The following APBB1IP variants were observed in gnomAD, a reference collection of about 807,000 sequenced individuals.
The protein encoded by APBB1IP is amyloid beta precursor protein binding family B member 1 interacting protein, also known as amyloid beta A4 precursor protein-binding family B member 1-interacting protein.
Under a neutral mutation model 64.9 loss-of-function variants are expected in APBB1IP, and 27 were observed. That is an observed-to-expected ratio of 0.42 (90% CI 0.31 to 0.57). The LOEUF (loss-of-function observed/expected upper bound fraction) is 0.57, where lower values mean the gene tolerates loss of function less well. Ranked by LOEUF, APBB1IP falls within the 20% of genes least tolerant of loss-of-function variation. APBB1IP has a pLI of 0.20. For missense variants in APBB1IP, 812 were observed against 845.5 expected (o/e 0.96, Z 0.49); for synonymous variants, 392 against 331.0 (o/e 1.18, Z -2.00).
At chr10:26,544,254 C>T (rs1836733341) in intron 11 of APBB1IP, among the ~76,000 whole-genome samples, 1 of 152,226 alleles carries the variant, frequency 6.6e-6, no homozygotes, top group African/African-American at 2.4e-5. Context: ...TTCCAACACA[C>T]TTTATTGCCA....
chr10:26,539,678 A>G (rs755905982), intron 10 of APBB1IP, among the ~76,000 whole-genome samples: 18 of 152,278 alleles, frequency 1.2e-4, no homozygotes, highest in Non-Finnish European at 8.8e-5. Context: ...GAAGTGAAAG[A>G]CTGACTACAG....
rs114424811 is a variant in APBB1IP, at chr10:26,558,502, T to G, written c.1156-1603T>G. 3.7e-3 allele frequency among the ~76,000 whole-genome samples: 558 copies of G among 151,810 alleles called. 5 individuals carry two copies. The highest frequency in any genetic ancestry group is 0.013 in the African/African-American group (531 of 41,392). ...ACAGACACATAAAACAGAAACTAAC[T>G]GGGCTTGGTGGTTCACGCATGTAAT... On this transcript the variant is annotated intron_variant, in intron 11 of 14. Transcript: ENST00000376236.
intron 2 of APBB1IP, among the ~76,000 whole-genome samples, chr10:26,478,037 A>G (rs1003375531): frequency 6.6e-6 from 1 of 152,258 alleles, no homozygotes; most frequent in African/African-American, 2.4e-5. Context: ...ACAGTGAACA[A>G]AAACAGTCAA....
chr10:26,548,451 A>T (rs773435412), intron 11 of APBB1IP, among the ~76,000 whole-genome samples: 19 of 151,490 alleles, frequency 1.3e-4, no homozygotes, highest in Admixed American at 4.0e-4. Context: ...TAGCATGGAC[A>T]TTATAACAAT....
At chr10:26,530,830 A>T (rs1432172773) in intron 8 of APBB1IP, among the ~76,000 whole-genome samples, 1 of 152,172 alleles carries the variant, frequency 6.6e-6, no homozygotes, top group Non-Finnish European at 1.5e-5. Context: ...GGATGAAATA[A>T]AATCGTATCT....
chr10:26,461,756 A>G (rs527300322), intron 2 of APBB1IP, among the ~76,000 whole-genome samples: 119 of 152,000 alleles, frequency 7.8e-4, no homozygotes, highest in African/African-American at 2.7e-3. Context: ...TTTTATCCAT[A>G]TAGTTTTATT....
chr10:26,537,563 T>C (rs1398566746), intron 10 of APBB1IP, among the ~76,000 whole-genome samples: 1 of 152,196 alleles, frequency 6.6e-6, no homozygotes, highest in Non-Finnish European at 1.5e-5. Context: ...AATGTTTATG[T>C]CTTAGGCATT....
chr10:26,484,937 T>C (rs1786914057), intron 2 of APBB1IP, among the ~76,000 whole-genome samples: 1 of 152,178 alleles, frequency 6.6e-6, no homozygotes. Context: ...AACCTATTAC[T>C]TGAAATGTTA....
intron 2 of APBB1IP, among the ~76,000 whole-genome samples, chr10:26,469,965 A>ACAACCAACAACAACCC (rs1329440341): frequency 3.3e-5 from 5 of 152,064 alleles, no homozygotes; most frequent in Admixed American, 6.6e-5. Context: ...CTCACTAACT[A>ACAACCAACAACAACCC]CAACCAACAA....
At chr10:26,474,265 C>T (rs1835752127) in intron 2 of APBB1IP, among the ~76,000 whole-genome samples, 1 of 152,174 alleles carries the variant, frequency 6.6e-6, no homozygotes, top group Non-Finnish European at 1.5e-5. Context: ...TTGTGCTCTG[C>T]CTAGGGCTGA....
chr10:26,545,769 A>C (rs1836755869), intron 11 of APBB1IP, among the ~76,000 whole-genome samples: 1 of 71,946 alleles, frequency 1.4e-5, no homozygotes, highest in Non-Finnish European at 2.6e-5. Context: ...CAAAAAAAAA[A>C]CAAACAAACA....
chr10:26,450,767 C>G (rs1835456946), intron 2 of APBB1IP, among the ~76,000 whole-genome samples: 1 of 149,362 alleles, frequency 6.7e-6, no homozygotes, highest in Non-Finnish European at 1.5e-5. Context: ...TCAATCTAAG[C>G]TCACTGCAAC....
chr10:26,544,931 C>T (rs2132471891), intron 11 of APBB1IP, among the ~76,000 whole-genome samples: 1 of 152,282 alleles, frequency 6.6e-6, no homozygotes, highest in Admixed American at 6.5e-5. Context: ...AGAGGGGGCT[C>T]AGAGGTGGAG....
chr10:26,527,486 G>A (rs924998502), intron 8 of APBB1IP, among the ~76,000 whole-genome samples: 3 of 150,694 alleles, frequency 2.0e-5, no homozygotes, highest in Non-Finnish European at 4.4e-5. Context: ...GTTCAAGGCT[G>A]CAGTGAGCTA....
intron 3 of APBB1IP, among the ~76,000 whole-genome samples, 195 bp downstream of exon 3, chr10:26,492,593 A>G (rs952941263): frequency 1.3e-5 from 2 of 152,160 alleles, no homozygotes; most frequent in Non-Finnish European, 2.9e-5. Context: ...AGTACAAAAG[A>G]GAGAAATTTT....
At chr10:26,545,705 A>G (rs1836754225) in intron 11 of APBB1IP, among the ~76,000 whole-genome samples, 2 of 151,400 alleles carry the variant, frequency 1.3e-5, no homozygotes, top group Admixed American at 1.3e-4. Flanking sequence ...GCTTGCAGTG[A>G]GCCGAGATCG....
intron 3 of APBB1IP, among the ~76,000 whole-genome samples, 169 bp from the exon 4 acceptor site, chr10:26,496,135 T>C (rs557557089): frequency 6.1e-4 from 93 of 151,694 alleles, no homozygotes; most frequent in South Asian, 3.1e-3. Context: ...TGTAATTTTC[T>C]ATAGGGGAAA....
At chr10:26,492,976 G>C (rs1625594) in intron 3 of APBB1IP, among the ~76,000 whole-genome samples, 122,355 of 152,192 alleles carry the variant, frequency 0.8, 49,580 homozygotes, top group East Asian at 0.89. Flanking sequence ...TGTTTCATCC[G>C]TTATCTTCAA....
intron 2 of APBB1IP, among the ~76,000 whole-genome samples, chr10:26,467,221 A>T (rs1463129062): frequency 5.3e-5 from 8 of 152,130 alleles, no homozygotes; most frequent in Admixed American, 5.2e-4. Flanking sequence ...ATGCATTTTT[A>T]ACTTTGAGAA....
Sources: gnomAD v4.1 joint callset for allele counts (sites outside exome capture counted in the v4.1 genomes callset) on GRCh38, gnomAD v4.1.1 for gene constraint, MANE v1.5 for transcripts, NCBI Gene and HGNC (gene_info 2026-07-23, HGNC 2026-07-21) for gene names.